The following UPB1 variants were observed in gnomAD, a reference collection of about 807,000 sequenced individuals.
UPB1 encodes beta-ureidopropionase.
Under a neutral mutation model 49.1 loss-of-function variants are expected in UPB1, and 40 were observed. The observed-to-expected ratio is 0.81, with a 90% confidence interval of 0.63 to 1.06. The LOEUF is 1.06. UPB1 is among the 50% of genes least tolerant of loss of function. UPB1 has a pLI of 0.00. For synonymous variants in UPB1, 207 were observed against 198.2 expected, an observed-to-expected ratio of 1.04 and a Z score of -0.38; for missense variants, 499 against 505.9, an observed-to-expected ratio of 0.99 and a Z score of 0.13.
chr22:24,526,208 T>A lies in UPB1; in HGVS notation c.*414T>A, dbSNP rs1448384431. ...AGAGACCCTGAGCCTACAGCAAGGC[T>A]GTGGTGGGTCGGATGGTCTTTGGAT... On this transcript the variant is annotated 3_prime_UTR_variant, in exon 10 of 10. Transcript: ENST00000326010. 2 of 310,698 alleles carry A rather than the reference T, an allele frequency of 6.4e-6. No homozygotes were observed. Among genetic ancestry groups the A allele is most frequent in the Non-Finnish European group, 1.3e-5 (2 of 158,924 alleles). 19.2% of individuals were successfully genotyped at this position (310,698 alleles called of 1,614,324 possible). A position where few individuals can be genotyped will look rare whatever the true frequency, so the allele number is the denominator to read the frequency against.
At chr22:24,496,098 C>T (rs1039461433) in intron 1 of UPB1, among the ~76,000 whole-genome samples, 3 of 152,074 alleles carry the variant, frequency 2.0e-5, no homozygotes, top group Non-Finnish European at 4.4e-5. Flanking sequence ...ACTTCCTGGC[C>T]GGGCTCACAC....
chr22:24,518,667 C>G (rs2044338083), intron 6 of UPB1, among the ~76,000 whole-genome samples: 1 of 152,184 alleles, frequency 6.6e-6, no homozygotes, highest in Non-Finnish European at 1.5e-5. Flanking sequence ...GCAGGGTGTC[C>G]TCATTCATTT....
At chr22:24,496,079 GAA>G (rs1400520619) in intron 1 of UPB1, among the ~76,000 whole-genome samples, 1 of 152,136 alleles carries the variant, frequency 6.6e-6, no homozygotes, top group Non-Finnish European at 1.5e-5. Context: ...CCACAAAGCT[GAA>G]AAAGACACTT....
chr22:24,497,058 C>T (rs979635492), intron 1 of UPB1, among the ~76,000 whole-genome samples: 2 of 152,162 alleles, frequency 1.3e-5, no homozygotes, highest in Non-Finnish European at 2.9e-5. Context: ...TCCCCCCTAT[C>T]TCCCTTCTGT....
chr22:24,511,228 A>G (rs1444118295), intron 4 of UPB1, among the ~76,000 whole-genome samples: 1 of 152,200 alleles, frequency 6.6e-6, no homozygotes, highest in Non-Finnish European at 1.5e-5. Context: ...GCTTCGATGC[A>G]TGGCCTGTGT....
rs140340 is a variant in UPB1 at position 24,527,801 on chromosome 22, T to TA, written c.*2025dup. 7.3e-3 allele frequency: 1,014 copies of TA among 139,522 alleles called. 6 individuals carry two copies. The highest frequency in any genetic ancestry group is 0.017 in the Admixed American group (233 of 13,826). The allele number at this position is 139,522 out of a possible 1,614,324, so 8.6% of individuals were successfully genotyped here. A position where few individuals can be genotyped will look rare whatever the true frequency, so the allele number is the denominator to read the frequency against. ...TACCTAATGGCCCTTCTTGCACCTT[T>TA]AAAAAAAAAAAAAAAAAATTCCAGT... On this transcript the variant is annotated 3_prime_UTR_variant, in exon 10 of 10. Transcript: ENST00000326010.
At chr22:24,500,894 C>G (rs1243704328) in intron 2 of UPB1, among the ~76,000 whole-genome samples, 1 of 152,178 alleles carries the variant, frequency 6.6e-6, no homozygotes, top group East Asian at 1.9e-4. Flanking sequence ...AGGGATTTTC[C>G]TGCACAGGTT....
intron 6 of UPB1, chr22:24,519,874 C>G: frequency 4.1e-6 from 1 of 241,808 alleles, no homozygotes; most frequent in Non-Finnish European, 8.3e-6. Context: ...CACAAGCCCA[C>G]CAGGCCCCCG....
In UPB1 at chr22:24,525,652, TA is replaced by T; in HGVS notation, c.1072-57del. 6.2e-6 allele frequency: 10 copies of T among 1,604,816 alleles called. No individual in the cohort carries two copies. The South Asian group carries it at 1.1e-4, about 18-fold the overall frequency. On this transcript the variant is annotated intron_variant, in intron 9 of 9. Coordinates refer to ENST00000326010, the MANE Select transcript of UPB1 (RefSeq NM_016327.3). Reference sequence around the variant, plus strand: ...TCCAGTGGCAAGAGGTGGTGGCGTGTAAGTGATGGGGATTTATAAAACCAGA... The same window carrying T: ...TCCAGTGGCAAGAGGTGGTGGCGTGTAGTGATGGGGATTTATAAAACCAGA...
chr22:24,525,166 C>T (rs1443271695), intron 9 of UPB1, among the ~76,000 whole-genome samples: 1 of 150,898 alleles, frequency 6.6e-6, no homozygotes, highest in Non-Finnish European at 1.5e-5. Context: ...GGTAATGGGC[C>T]TGAGCTCCTG....
intron 6 of UPB1, chr22:24,520,004 A>G (rs1312622621): frequency 3.3e-6 from 1 of 302,252 alleles, no homozygotes; most frequent in Non-Finnish European, 6.5e-6. Flanking sequence ...CTTCACCTGC[A>G]TGGTCATTCA....
At chr22:24,517,317 A>G (rs2044314371) in intron 6 of UPB1, among the ~76,000 whole-genome samples, 1 of 152,174 alleles carries the variant, frequency 6.6e-6, no homozygotes, top group Non-Finnish European at 1.5e-5. Context: ...TCAGATCACC[A>G]GTGATAGCAT....
intron 9 of UPB1, 137 bp downstream of exon 9, chr22:24,523,910 G>A: frequency 7.5e-7 from 1 of 1,331,216 alleles, no homozygotes; most frequent in East Asian, 2.3e-5. Context: ...TGAGCTGAGG[G>A]CTGAATCTCT....
intron 3 of UPB1, among the ~76,000 whole-genome samples, chr22:24,505,256 C>T (rs551462304): frequency 6.6e-6 from 1 of 152,292 alleles, no homozygotes; most frequent in South Asian, 2.1e-4. Context: ...TTTGTTTTCT[C>T]TCTTATTCCA....
intron 5 of UPB1, among the ~76,000 whole-genome samples, 172 bp downstream of exon 5, chr22:24,513,657 C>G (rs956313612): frequency 6.6e-6 from 1 of 152,132 alleles, no homozygotes; most frequent in Non-Finnish European, 1.5e-5. Flanking sequence ...CTGACATTGC[C>G]CTATATCACA....
chr22:24,495,449 C>T lies in UPB1; in HGVS notation c.46C>T (p.His16Tyr), dbSNP rs369205610. 17 of 1,613,852 alleles carry T rather than the reference C, an allele frequency of 1.1e-5. No individual in the cohort carries two copies. The highest frequency in any genetic ancestry group is 1.4e-5 in the Non-Finnish European group (17 of 1,180,030). Residue 16 changes from histidine to tyrosine, a missense_variant, in exon 1 of 10, where the codon CAC (histidine) becomes TAC (tyrosine). Coordinates refer to ENST00000326010, the MANE Select transcript of UPB1 (RefSeq NM_016327.3). ...WKSLEECLEK[H>Y]LPLPDLQEVK... is the part of the protein sequence containing the mutation. ...GTCGCTGGAGGAATGCTTGGAGAAG[C>T]ACCTGCCGCTCCCCGACTTGCAGGA...
At chr22:24,503,054 GAAA>G (rs369724132) in intron 3 of UPB1, 10 of 148,826 alleles carry the variant, frequency 6.7e-5, no homozygotes, top group Non-Finnish European at 1.5e-4. Flanking sequence ...CCAGCTAATT[GAAA>G]AAAAAAAGTT....
intron 8 of UPB1, 85 bp from the exon 9 acceptor site, chr22:24,523,534 G>A (rs543046607): frequency 6.3e-7 from 1 of 1,593,674 alleles, no homozygotes; most frequent in East Asian, 2.2e-5. Context: ...CCGTGTCCTG[G>A]GCCTGCCTCA....
intron 1 of UPB1, among the ~76,000 whole-genome samples, chr22:24,496,404 T>TACACACACACAC (rs1012330972): frequency 3.1e-5 from 4 of 126,986 alleles, no homozygotes; most frequent in African/African-American, 1.1e-4. Flanking sequence ...CACACACACA[T>TACACACACACAC]ACACACACAC....
Sources: allele counts gnomAD v4.1 joint callset (sites outside exome capture counted in the v4.1 genomes callset), GRCh38; gene constraint gnomAD v4.1.1; transcripts MANE v1.5; gene names NCBI Gene and HGNC (gene_info 2026-07-23, HGNC 2026-07-21).